The following CADM1 variants were observed in gnomAD, a reference collection of about 807,000 sequenced individuals.
CADM1 encodes TSLC-1.
In CADM1, 15 loss-of-function variants were observed where a neutral mutation model predicts 53.1. The ratio of observed to expected loss-of-function variants is 0.28; its 90% CI spans 0.19 to 0.44. CADM1 has a LOEUF of 0.44. Ranked by LOEUF, CADM1 falls within the 20% of genes least tolerant of loss-of-function variation. CADM1 has a pLI of 1.00. For synonymous variants in CADM1, 281 were observed against 243.0 expected (o/e 1.16, Z -1.45); for missense variants, 434 against 611.3 (o/e 0.71, Z 3.06).
chr11:115,328,698 ATATG>A (rs377571462), intron 1 of CADM1, among the ~76,000 whole-genome samples: 9 of 29,104 alleles, frequency 3.1e-4, no homozygotes, highest in African/African-American at 2.5e-3. Context: ...ATGTGTATAT[ATATG>A]TATATATATA....
intron 5 of CADM1, 151 bp downstream of exon 5, chr11:115,228,962 A>G (rs1426226830): frequency 4.9e-6 from 4 of 811,060 alleles, no homozygotes; most frequent in Non-Finnish European, 8.0e-6. Context: ...ATGGCAGTAC[A>G]ATATTTCAAT....
intron 1 of CADM1, among the ~76,000 whole-genome samples, chr11:115,281,426 A>G (rs1052811804): frequency 6.6e-6 from 1 of 152,264 alleles, no homozygotes; most frequent in Admixed American, 6.5e-5. Context: ...ATCTTGCAGA[A>G]AAATAGATTT....
rs542991780 is a variant in CADM1 at position 115,345,967 on chromosome 11, G to T, written c.125-105547C>A. Among the ~76,000 whole-genome samples the T allele has an allele frequency of 4.6e-5, 7 of 152,274 alleles. No individual in the cohort carries two copies. The East Asian group carries it at 9.7e-4, about 21-fold the overall frequency. On this transcript the variant is annotated intron_variant, in intron 1 of 11. Transcript: ENST00000331581. Reference sequence around the variant, plus strand: ...AGTGAAGTCTTCATTAGGTTTCCAGGATGTCTTTTCTTTGTATCCTCATTA... The same window carrying T: ...AGTGAAGTCTTCATTAGGTTTCCAGTATGTCTTTTCTTTGTATCCTCATTA...
intron 1 of CADM1, among the ~76,000 whole-genome samples, chr11:115,443,548 A>C (rs1948375994): frequency 6.6e-6 from 1 of 152,196 alleles, no homozygotes; most frequent in Non-Finnish European, 1.5e-5. Context: ...TACCCACTGC[A>C]TGTAAAATTT....
chr11:115,321,952 C>T (rs76628370), intron 1 of CADM1, among the ~76,000 whole-genome samples: 5,513 of 152,226 alleles, frequency 0.036, 334 homozygotes, highest in African/African-American at 0.12. Context: ...AGAGCACTGG[C>T]ATCATGCATC....
chr11:115,414,436 T>A (rs1176626200), intron 1 of CADM1, among the ~76,000 whole-genome samples: 1 of 152,176 alleles, frequency 6.6e-6, no homozygotes, highest in East Asian at 1.9e-4. Flanking sequence ...TTATATTCTT[T>A]GTAGGTCTCT....
intron 8 of CADM1, among the ~76,000 whole-genome samples, chr11:115,203,916 T>A (rs2134705044): frequency 6.6e-6 from 1 of 152,296 alleles, no homozygotes; most frequent in South Asian, 2.1e-4. Flanking sequence ...ACATACTTTT[T>A]GGAGTAAAAA....
intron 1 of CADM1, among the ~76,000 whole-genome samples, chr11:115,338,099 T>C (rs1313345459): frequency 6.6e-6 from 1 of 152,110 alleles, no homozygotes; most frequent in Non-Finnish European, 1.5e-5. Flanking sequence ...CTACAAATGT[T>C]AGCAGGAGGA....
chr11:115,303,490 G>A (rs1321118946), intron 1 of CADM1, among the ~76,000 whole-genome samples: 1 of 151,958 alleles, frequency 6.6e-6, no homozygotes, highest in African/African-American at 2.4e-5. Flanking sequence ...ACATTTATTT[G>A]ATTCTGTATC....
chr11:115,353,024 T>C (rs895751309), intron 1 of CADM1, among the ~76,000 whole-genome samples: 1 of 152,240 alleles, frequency 6.6e-6, no homozygotes, highest in African/African-American at 2.4e-5. Flanking sequence ...TGAGATAACT[T>C]TTGAATTATT....
At chr11:115,371,103 C>G (rs1437931575) in intron 1 of CADM1, among the ~76,000 whole-genome samples, 2 of 151,810 alleles carry the variant, frequency 1.3e-5, no homozygotes, top group African/African-American at 4.8e-5. Context: ...TATAGGTTGA[C>G]AGGGAGGAAA....
chr11:115,273,218 C>T (rs1294054564), intron 1 of CADM1, among the ~76,000 whole-genome samples: 2 of 152,176 alleles, frequency 1.3e-5, no homozygotes, highest in Admixed American at 1.3e-4. Flanking sequence ...TCCAAAATGT[C>T]TAAATGGCTA....
At chr11:115,369,691 T>A (rs1159886198) in intron 1 of CADM1, among the ~76,000 whole-genome samples, 1 of 152,120 alleles carries the variant, frequency 6.6e-6, no homozygotes, top group Non-Finnish European at 1.5e-5. Flanking sequence ...ACAACAGAAA[T>A]AAAATTCAAC....
chr11:115,311,275 G>GA (rs1258392251), intron 1 of CADM1, among the ~76,000 whole-genome samples: 1 of 152,066 alleles, frequency 6.6e-6, no homozygotes, highest in Non-Finnish European at 1.5e-5. Context: ...CTCAGGAAAT[G>GA]AAAAAATCTA....
intron 1 of CADM1, among the ~76,000 whole-genome samples, chr11:115,483,232 A>C (rs139197422): frequency 7.9e-5 from 12 of 152,370 alleles, no homozygotes; most frequent in Admixed American, 3.9e-4. Flanking sequence ...ATCAAGTTAA[A>C]AGCAGTTACT....
intron 1 of CADM1, among the ~76,000 whole-genome samples, chr11:115,406,827 T>C (rs1208841784): frequency 6.6e-6 from 1 of 151,424 alleles, no homozygotes; most frequent in Non-Finnish European, 1.5e-5. Context: ...TGGGTGCCTG[T>C]AATCCCAGCT....
At chr11:115,226,902 G>C (rs1941631333) in intron 5 of CADM1, among the ~76,000 whole-genome samples, 1 of 152,224 alleles carries the variant, frequency 6.6e-6, no homozygotes, top group Non-Finnish European at 1.5e-5. Flanking sequence ...GTTCTCAATA[G>C]TGCTCTAGGA....
chr11:115,392,743 A>C (rs747644612), intron 1 of CADM1, among the ~76,000 whole-genome samples: 16 of 152,286 alleles, frequency 1.1e-4, no homozygotes, highest in Admixed American at 2.0e-4. Flanking sequence ...AATCAAGACA[A>C]CCATTATCTG....
At chr11:115,395,001 G>A (rs1331098390) in intron 1 of CADM1, among the ~76,000 whole-genome samples, 2 of 152,086 alleles carry the variant, frequency 1.3e-5, no homozygotes, top group Non-Finnish European at 2.9e-5. Flanking sequence ...AAGTAGGAAG[G>A]GGCACAACAG....
Sources: gnomAD v4.1 joint callset for allele counts (sites outside exome capture counted in the v4.1 genomes callset) on GRCh38, gnomAD v4.1.1 for gene constraint, MANE v1.5 for transcripts, NCBI Gene and HGNC (gene_info 2026-07-23, HGNC 2026-07-21) for gene names.